PIEZO2: variants seen among roughly 807,000 people sequenced by gnomAD.
PIEZO2 encodes the protein piezo-type mechanosensitive ion channel component 2.
A neutral mutation model predicts 337.3 loss-of-function variants in PIEZO2; 172 were observed. That is an observed-to-expected ratio of 0.51 (90% CI 0.45 to 0.58). The LOEUF (loss-of-function observed/expected upper bound fraction) is 0.58. PIEZO2 is among the 20% of genes least tolerant of loss of function. PIEZO2 has a pLI of 0.00. For synonymous variants in PIEZO2, 1,251 were observed against 1,228.5 expected (o/e 1.02, Z -0.38); for missense variants, 3,028 against 3,391.3 (o/e 0.89, Z 2.66).
At chr18:10,965,544 G>T (rs2145406377) in intron 3 of PIEZO2, among the ~76,000 whole-genome samples, 1 of 152,216 alleles carries the variant, frequency 6.6e-6, no homozygotes, top group Non-Finnish European at 1.5e-5. Context: ...ATCTATCTTG[G>T]CTAGTGGTAT....
chr18:11,066,258 A>T (rs1309454375), intron 1 of PIEZO2, 36 bp from the exon 2 acceptor site: 1 of 1,494,408 alleles, frequency 6.7e-7, no homozygotes, highest in Non-Finnish European at 9.0e-7. Context: ...TGAGAAGATC[A>T]TTAACAAAGG....
At chr18:11,076,595 A>C (rs2038555638) in intron 1 of PIEZO2, among the ~76,000 whole-genome samples, 1 of 152,112 alleles carries the variant, frequency 6.6e-6, no homozygotes, top group Admixed American at 6.6e-5. Flanking sequence ...TTGCCTTTTA[A>C]TTTAGTATAC....
intron 2 of PIEZO2, among the ~76,000 whole-genome samples, chr18:11,049,570 A>G (rs2037445035): frequency 1.3e-5 from 2 of 152,206 alleles, no homozygotes; most frequent in South Asian, 4.1e-4. Flanking sequence ...CCCCACCCAA[A>G]TCAAATCTTG....
At chr18:10,720,277 A>G (rs902411939) in intron 36 of PIEZO2, among the ~76,000 whole-genome samples, 16 of 130,362 alleles carry the variant, frequency 1.2e-4, no homozygotes, top group African/African-American at 4.7e-4. Flanking sequence ...AAGAGAGAAT[A>G]CATATATCAT....
chr18:11,112,826 GAGA>G lies in PIEZO2; in HGVS notation c.64+35696_64+35698del, dbSNP rs1447768101. The stretch of plus-strand genomic sequence containing the variant: ...ACCGACAAGAGGAAGAGGCGCTATG[GAGA>G]AGAAGGAGCAAGCCAGTCTGTGCAG... On this transcript the variant is annotated intron_variant, in intron 1 of 55. Coordinates refer to ENST00000674853, the MANE Select transcript of PIEZO2 (RefSeq NM_001378183.1). This position sits in a 1 kb window ranked among gnomAD's most constrained non-coding sequence, Gnocchi z 4.3. 6.6e-6 allele frequency among the ~76,000 whole-genome samples: 1 copy of G among 152,166 alleles called. No individual in the cohort carries two copies. Among genetic ancestry groups the G allele is most frequent in the Admixed American group, 6.5e-5 (1 of 15,278 alleles).
chr18:11,111,262 C>T lies in PIEZO2; in HGVS notation c.64+37263G>A, dbSNP rs770850611. The stretch of plus-strand genomic sequence containing the variant: ...ATCTCTGGGGTCTGTGAGAACTTCC[C>T]TGGCCTTCGTTTCCCATCCCTTTCA... On this transcript the variant is annotated intron_variant, in intron 1 of 55. Coordinates refer to ENST00000674853, the MANE Select transcript of PIEZO2 (RefSeq NM_001378183.1). This position sits in a 1 kb window ranked among gnomAD's most constrained non-coding sequence, Gnocchi z 6.2. Among the ~76,000 whole-genome samples the T allele has an allele frequency of 2.0e-5, 3 of 152,168 alleles. No individual in the cohort carries two copies. Among genetic ancestry groups the T allele is most frequent in the Non-Finnish European group, 4.4e-5 (3 of 68,018 alleles).
intron 36 of PIEZO2, among the ~76,000 whole-genome samples, chr18:10,730,179 C>T (rs1387081626): frequency 2.0e-5 from 3 of 152,202 alleles, no homozygotes; most frequent in Non-Finnish European, 4.4e-5. Context: ...TAATGACACA[C>T]AACTCTTCAA....
chr18:10,901,973 G>C (rs1011355632), intron 4 of PIEZO2, among the ~76,000 whole-genome samples: 5 of 151,946 alleles, frequency 3.3e-5, no homozygotes, highest in African/African-American at 1.2e-4. Context: ...CTGGGCCTTG[G>C]ACTGGTACTG....
chr18:10,805,582 C>T (rs2039976524), intron 8 of PIEZO2, among the ~76,000 whole-genome samples: 1 of 152,206 alleles, frequency 6.6e-6, no homozygotes. Flanking sequence ...TATACATATA[C>T]ATATGCATGT....
At position 10,676,425 on chromosome 18, in the gene PIEZO2, C is replaced by A. The variant is rs975144528; in HGVS notation, c.8082-1137G>T. Among the ~76,000 whole-genome samples the A allele has an allele frequency of 6.6e-6, 1 of 152,176 alleles. No homozygotes were observed. Among genetic ancestry groups the A allele is most frequent in the Admixed American group, 6.5e-5 (1 of 15,280 alleles). On this transcript the variant is annotated intron_variant, in intron 53 of 55. Transcript: ENST00000674853. This position sits in a 1 kb window ranked among gnomAD's most constrained non-coding sequence, Gnocchi z 5.1. ...CCATATCATTTTTTTCTTGCTAGTT[C>A]ATATATTAGAATCTAAACATCTCAG...
chr18:10,724,639 C>A lies in PIEZO2; in HGVS notation c.5030-6380G>T. 1 of 720,392 alleles carries A rather than the reference C, an allele frequency of 1.4e-6. No homozygotes were observed. Among genetic ancestry groups the A allele is most frequent in the South Asian group, 1.8e-5 (1 of 54,340 alleles). The allele number at this position is 720,392 out of a possible 1,614,324, so 44.6% of individuals were successfully genotyped here. A position where few individuals can be genotyped will look rare whatever the true frequency, so the allele number is the denominator to read the frequency against. On this transcript the variant is annotated intron_variant, in intron 36 of 55. Coordinates refer to ENST00000674853, the MANE Select transcript of PIEZO2 (RefSeq NM_001378183.1). The surrounding 1 kb of genome is among the most constrained non-coding windows in gnomAD (Gnocchi z 5.8). The stretch of plus-strand genomic sequence containing the variant: ...CAGAATGGTGCTGGACTCGGGGTCT[C>A]AGGCGTATGATCAGGCACCCACCAG...
chr18:11,100,325 T>C (rs2039375503), intron 1 of PIEZO2, among the ~76,000 whole-genome samples: 1 of 152,256 alleles, frequency 6.6e-6, no homozygotes, highest in Non-Finnish European at 1.5e-5. Context: ...ATTTGATTTT[T>C]CCTTTCATTT....
rs376360282 is a variant in PIEZO2, at chr18:11,100,570, C to A, written c.65-34348G>T. Among the ~76,000 whole-genome samples the A allele has an allele frequency of 1.8e-4, 28 of 152,250 alleles. 1 individual carries two copies. In the South Asian group the frequency reaches 5.8e-3, roughly 32 times the overall value. ...CTCTCTCATGATGCTCCATTTGATTCATTTCAGGGTCATGCTCACCACATT... is the reference window on the plus strand; with the variant it reads ...CTCTCTCATGATGCTCCATTTGATTAATTTCAGGGTCATGCTCACCACATT... On this transcript the variant is annotated intron_variant, in intron 1 of 55. Coordinates refer to ENST00000674853, the MANE Select transcript of PIEZO2 (RefSeq NM_001378183.1).
chr18:10,881,946 C>T (rs1343890394), intron 4 of PIEZO2, among the ~76,000 whole-genome samples: 1 of 152,160 alleles, frequency 6.6e-6, no homozygotes, highest in Non-Finnish European at 1.5e-5. Flanking sequence ...TTCTTCCAGG[C>T]TCCTCATCAT....
chr18:10,694,883 C>T (rs551854542), intron 47 of PIEZO2, among the ~76,000 whole-genome samples: 1 of 152,230 alleles, frequency 6.6e-6, no homozygotes, highest in African/African-American at 2.4e-5. Context: ...TAGCATGTCA[C>T]AGTCTGGGAG....
chr18:10,672,501 G>A lies in PIEZO2; in HGVS notation c.8345+189C>T, dbSNP rs2033822605. Among the ~76,000 whole-genome samples the A allele has an allele frequency of 6.6e-6, 1 of 152,180 alleles. No homozygotes were observed. Among genetic ancestry groups the A allele is most frequent in the Non-Finnish European group, 1.5e-5 (1 of 68,034 alleles). Reference sequence around the variant, plus strand: ...ATACCTGGGCTGTGTGAGTCACACTGGGAGTTTTGATCTCTTTGGGACTCT... The same window carrying A: ...ATACCTGGGCTGTGTGAGTCACACTAGGAGTTTTGATCTCTTTGGGACTCT... On this transcript the variant is annotated intron_variant, in intron 55 of 55. Transcript: ENST00000674853. The surrounding 1 kb of genome is among the most constrained non-coding windows in gnomAD (Gnocchi z 4.7).
chr18:10,875,254 A>G (rs948634210), intron 4 of PIEZO2, among the ~76,000 whole-genome samples: 1 of 152,176 alleles, frequency 6.6e-6, no homozygotes, highest in Non-Finnish European at 1.5e-5. Flanking sequence ...AGAAAATCCA[A>G]TTAAGAGAGC....
At position 10,783,482 on chromosome 18, in the gene PIEZO2, T is replaced by C. The variant is rs1402189961; in HGVS notation, c.2492+1302A>G. On this transcript the variant is annotated intron_variant, in intron 17 of 55. Coordinates refer to ENST00000674853, the MANE Select transcript of PIEZO2 (RefSeq NM_001378183.1). This position sits in a 1 kb window ranked among gnomAD's most constrained non-coding sequence, Gnocchi z 4.3. ...CCCTCCCATCAAGTTTGTCTATGAC[T>C]GATATCTTCTAGGGTTCCCCAAACT... Among the ~76,000 whole-genome samples, 2 of 152,246 alleles carry C rather than the reference T, an allele frequency of 1.3e-5. No homozygotes were observed. The highest frequency in any genetic ancestry group is 2.9e-5 in the Non-Finnish European group (2 of 68,042).
intron 18 of PIEZO2, 57 bp from the exon 19 acceptor site, chr18:10,774,095 T>C (rs2038702402): frequency 1.4e-6 from 1 of 701,308 alleles, no homozygotes; most frequent in East Asian, 2.7e-5. Context: ...AGAAGAATTA[T>C]AAGGAATGTC....
Sources: allele counts gnomAD v4.1 joint callset (sites outside exome capture counted in the v4.1 genomes callset), GRCh38; gene constraint gnomAD v4.1.1; non-coding constraint Gnocchi (gnomAD v3.1); transcripts MANE v1.5; gene names NCBI Gene and HGNC (gene_info 2026-07-23, HGNC 2026-07-21).